Variants in BBOX1 observed in about 807,000 individuals in gnomAD.
BBOX1 encodes the protein gamma-butyrobetaine dioxygenase.
A neutral mutation model predicts 41.6 loss-of-function variants in BBOX1; 35 were observed. The ratio of observed to expected loss-of-function variants is 0.84; its 90% CI spans 0.64 to 1.11. The LOEUF is 1.11. BBOX1 is among the 50% of genes most tolerant of loss of function. The pLI is 0.00. For synonymous variants in BBOX1, 163 were observed against 154.7 expected (o/e 1.05, Z -0.40); for missense variants, 458 against 460.6 (o/e 0.99, Z 0.05).
At chr11:27,093,925 G>A (rs1858339792) in intron 5 of BBOX1, among the ~76,000 whole-genome samples, 1 of 151,840 alleles carries the variant, frequency 6.6e-6, no homozygotes, top group African/African-American at 2.4e-5. Context: ...AATTTGGGGG[G>A]ACATAATTTA....
intron 7 of BBOX1, among the ~76,000 whole-genome samples, chr11:27,123,982 C>A (rs750250012): frequency 6.6e-6 from 1 of 152,130 alleles, no homozygotes; most frequent in Non-Finnish European, 1.5e-5. Context: ...AGGCCTTACC[C>A]AATAAGCAAA....
At chr11:27,112,761 T>A (rs190180328) in intron 5 of BBOX1, among the ~76,000 whole-genome samples, 21 of 151,926 alleles carry the variant, frequency 1.4e-4, no homozygotes, top group Non-Finnish European at 2.1e-4. Context: ...GATTTCATGA[T>A]GACTATAACA....
At chr11:27,099,143 C>T (rs999119850) in intron 5 of BBOX1, among the ~76,000 whole-genome samples, 6 of 151,866 alleles carry the variant, frequency 4.0e-5, no homozygotes, top group Non-Finnish European at 7.4e-5. Flanking sequence ...AAGTTAACCT[C>T]ATGGGAAACT....
chr11:27,054,234 T>TGCGTGTGTGTGTGTGC (rs1554935078), intron 2 of BBOX1, among the ~76,000 whole-genome samples: 4 of 148,302 alleles, frequency 2.7e-5, no homozygotes, highest in Admixed American at 6.8e-5. Flanking sequence ...TGTGTGTGTG[T>TGCGTGTGTGTGTGTGC]GCGTGCACAT....
chr11:27,118,226 A>C (rs955888454), intron 6 of BBOX1, among the ~76,000 whole-genome samples: 11 of 152,032 alleles, frequency 7.2e-5, no homozygotes. Context: ...CAAATGAAAC[A>C]TCCAAACTAA....
At chr11:27,043,680 G>T (rs1192492163) in intron 2 of BBOX1, among the ~76,000 whole-genome samples, 1 of 152,114 alleles carries the variant, frequency 6.6e-6, no homozygotes, top group Non-Finnish European at 1.5e-5. Flanking sequence ...ACTTATGAGT[G>T]AGAACATGCA....
chr11:27,098,633 T>A (rs930657440), intron 5 of BBOX1, among the ~76,000 whole-genome samples: 1 of 151,994 alleles, frequency 6.6e-6, no homozygotes, highest in Non-Finnish European at 1.5e-5. Context: ...ATTCAGACAA[T>A]CTTCTCTAAA....
intron 6 of BBOX1, among the ~76,000 whole-genome samples, chr11:27,116,463 AAAGTAT>A (rs1859266541): frequency 2.4e-4 from 6 of 24,632 alleles, no homozygotes; most frequent in South Asian, 2.6e-3. Context: ...CCCAGAACTT[AAAGTAT>A]AACAAAAAAA....
chr11:27,117,563 A>G (rs7949619), intron 6 of BBOX1, among the ~76,000 whole-genome samples: 43,861 of 151,792 alleles, frequency 0.29, 8,725 homozygotes, highest in African/African-American at 0.55. Context: ...TCTTCCAAAC[A>G]TAGCTTGAGG....
intron 2 of BBOX1, among the ~76,000 whole-genome samples, chr11:27,044,343 T>C (rs1851432566): frequency 6.6e-6 from 1 of 152,212 alleles, no homozygotes; most frequent in African/African-American, 2.4e-5. Flanking sequence ...ATTAGACCTT[T>C]GTCAGATGGA....
intron 5 of BBOX1, among the ~76,000 whole-genome samples, chr11:27,108,237 T>G (rs535685966): frequency 6.6e-6 from 1 of 152,224 alleles, no homozygotes; most frequent in South Asian, 2.1e-4. Flanking sequence ...CTCTGGCTAA[T>G]GCTTACACCT....
intron 4 of BBOX1, among the ~76,000 whole-genome samples, chr11:27,072,714 C>T (rs978134769): frequency 6.6e-6 from 1 of 152,016 alleles, no homozygotes; most frequent in Admixed American, 6.5e-5. Context: ...TACTGGTACC[C>T]AAACAGAGAA....
rs528033091 is a variant in BBOX1 at position 27,064,949 on chromosome 11, C to A, written c.334+7634C>A. 1.2e-4 allele frequency among the ~76,000 whole-genome samples: 18 copies of A among 151,886 alleles called. No individual in the cohort carries two copies. The South Asian group carries it at 3.7e-3, about 32-fold the overall frequency. ...AAAAAACATCTCAAAGGCCCATATA[C>A]AATAGTGGTGTTACCTGCAGGAATG... On this transcript the variant is annotated intron_variant, in intron 4 of 8. Coordinates refer to ENST00000263182, the MANE Select transcript of BBOX1 (RefSeq NM_003986.3).
intron 5 of BBOX1, among the ~76,000 whole-genome samples, chr11:27,110,088 T>C (rs907500013): frequency 2.0e-5 from 3 of 151,982 alleles, no homozygotes; most frequent in Admixed American, 6.6e-5. Flanking sequence ...ATTTCTCTCA[T>C]ATCCTACATC....
chr11:27,114,959 T>C (rs888135260), intron 5 of BBOX1, among the ~76,000 whole-genome samples: 4 of 151,712 alleles, frequency 2.6e-5, no homozygotes, highest in African/African-American at 4.8e-5. Flanking sequence ...GCCAAGGTCT[T>C]GGAGAAGGGT....
intron 4 of BBOX1, among the ~76,000 whole-genome samples, chr11:27,064,013 T>A (rs974785400): frequency 6.6e-6 from 1 of 152,230 alleles, no homozygotes; most frequent in African/African-American, 2.4e-5. Flanking sequence ...GTGTTTTTCT[T>A]AATTCAATTA....
At chr11:27,087,330 C>G (rs1858080769) in intron 4 of BBOX1, among the ~76,000 whole-genome samples, 1 of 152,074 alleles carries the variant, frequency 6.6e-6, no homozygotes, top group Non-Finnish European at 1.5e-5. Flanking sequence ...CCAGCCCTCA[C>G]CAACTTCCAC....
At chr11:27,100,437 A>C (rs1858607356) in intron 5 of BBOX1, among the ~76,000 whole-genome samples, 1 of 152,168 alleles carries the variant, frequency 6.6e-6, no homozygotes, top group Non-Finnish European at 1.5e-5. Flanking sequence ...AAATTGCCTG[A>C]GTTCTAAATT....
intron 4 of BBOX1, among the ~76,000 whole-genome samples, chr11:27,087,945 G>C (rs1858101273): frequency 6.6e-6 from 1 of 152,010 alleles, no homozygotes; most frequent in Non-Finnish European, 1.5e-5. Flanking sequence ...AGACTATGCT[G>C]CCTATTGTAT....
Sources: allele counts gnomAD v4.1 joint callset (sites outside exome capture counted in the v4.1 genomes callset), GRCh38; gene constraint gnomAD v4.1.1; transcripts MANE v1.5; gene names NCBI Gene and HGNC (gene_info 2026-07-23, HGNC 2026-07-21).